The following FAM184A variants were observed in gnomAD, a reference collection of about 807,000 sequenced individuals.
The protein encoded by FAM184A is family with sequence similarity 184 member A, also known as protein FAM184A.
A neutral mutation model predicts 143.8 loss-of-function variants in FAM184A; 99 were observed. The observed-to-expected ratio is 0.69, with a 90% CI of 0.58 to 0.81. The LOEUF (loss-of-function observed/expected upper bound fraction) is 0.81. FAM184A is among the 40% of genes least tolerant of loss of function. The probability of loss-of-function intolerance (pLI) is 0.00; values close to 1 mark genes in which losing one functional copy is unlikely to be tolerated. For missense variants in FAM184A, 1,217 were observed against 1,310.5 expected (o/e 0.93, Z 1.10); for synonymous variants, 427 against 446.4 (o/e 0.96, Z 0.55).
In FAM184A at chr6:119,011,395, G is replaced by A; in HGVS notation, c.1567C>T (p.Leu523=). The A allele has an allele frequency of 6.4e-7, 1 of 1,568,460 alleles. No individual in the cohort carries two copies. Among genetic ancestry groups the A allele is most frequent in the Middle Eastern group, 1.7e-4 (1 of 5,960 alleles). Residue 523 remains leucine (L), a synonymous_variant, in exon 6 of 18, where the codon CTG becomes TTG. Transcript: ENST00000338891. ...EEQHNKDKLN[L]EEDKNQLQQE... is the part of the protein sequence containing the mutation. ...TGAAGCTGATTTTTATCCTCTTCCA[G>A]GTTTAGTTTATCTTTGTTATGTTGT...
rs144493175 is a variant in FAM184A at position 118,998,028 on chromosome 6, T to C, written c.2088+4871A>G. On this transcript the variant is annotated intron_variant, in intron 9 of 17. Coordinates refer to ENST00000338891, the MANE Select transcript of FAM184A (RefSeq NM_024581.6). ...AGTCATTGCCCTTTCCTACTGAGTA[T>C]GAAAAATTCTAAAATACTCTATGAT... Among the ~76,000 whole-genome samples, 525 of 152,242 alleles carry C rather than the reference T, an allele frequency of 3.4e-3. 5 individuals are homozygous for C. The highest frequency in any genetic ancestry group is 0.012 in the African/African-American group (503 of 41,516).
intron 10 of FAM184A, 63 bp from the exon 11 acceptor site, chr6:118,979,581 G>A: frequency 7.9e-7 from 1 of 1,266,192 alleles, no homozygotes; most frequent in Non-Finnish European, 1.1e-6. Context: ...AAACAAAATA[G>A]AAAACAGTTA....
At position 118,970,008 on chromosome 6, in the gene FAM184A, A is replaced by ATTTT. The variant is rs11272298; in HGVS notation, c.2916-3060_2916-3057dup. Among the ~76,000 whole-genome samples, 27 of 19,012 alleles carry ATTTT rather than the reference A, an allele frequency of 1.4e-3. 1 individual carries two copies. Among genetic ancestry groups the ATTTT allele is most frequent in the Admixed American group, 3.0e-3 (4 of 1,312 alleles). 12.5% of individuals were successfully genotyped at this position (19,012 alleles called of 152,430 possible). A position where few individuals can be genotyped will look rare whatever the true frequency, so the allele number is the denominator to read the frequency against. On this transcript the variant is annotated intron_variant, in intron 14 of 17. Transcript: ENST00000338891. ...ATATATATATAATATATATATATAT[A>ATTTT]TTTTTTTTTTTTTGAGATGGAGTTT...
At chr6:119,074,225 T>C (rs1197013471) in intron 1 of FAM184A, among the ~76,000 whole-genome samples, 1 of 152,210 alleles carries the variant, frequency 6.6e-6, no homozygotes, top group Non-Finnish European at 1.5e-5. Flanking sequence ...ACTTCTTCCT[T>C]GACCAACTTT....
intron 4 of FAM184A, among the ~76,000 whole-genome samples, chr6:119,018,196 G>GC (rs1244376540): frequency 1.3e-5 from 2 of 152,220 alleles, no homozygotes; most frequent in African/African-American, 4.8e-5. Flanking sequence ...ATGTGCGTGT[G>GC]CATGTGTGTG....
chr6:118,968,357 T>G (rs1164248759), intron 14 of FAM184A, among the ~76,000 whole-genome samples: 1 of 152,268 alleles, frequency 6.6e-6, no homozygotes, highest in Non-Finnish European at 1.5e-5. Context: ...GGGCTGCATA[T>G]GGCCTGCAGG....
At chr6:118,998,811 G>C (rs1350829273) in intron 9 of FAM184A, among the ~76,000 whole-genome samples, 1 of 152,318 alleles carries the variant, frequency 6.6e-6, no homozygotes, top group South Asian at 2.1e-4. Flanking sequence ...TGCAGCCAGA[G>C]ACCAGATCAT....
rs541196233 is a variant in FAM184A at position 119,129,078 on chromosome 6, A to G, written c.-202+20000T>C. On this transcript the variant is annotated intron_variant, in intron 1 of 16. Transcript: ENST00000352896. Reference sequence around the variant, plus strand: ...ACTCAACTCTTTCAACCAATTGCCAATCAGGAAGTCTTTGAATCTACCTAT... The same window carrying G: ...ACTCAACTCTTTCAACCAATTGCCAGTCAGGAAGTCTTTGAATCTACCTAT... Among the ~76,000 whole-genome samples the G allele has an allele frequency of 3.3e-5, 5 of 152,336 alleles. No homozygotes were observed. The South Asian group carries it at 6.2e-4, about 19-fold the overall frequency.
At chr6:119,117,616 C>T (rs1242804882) in intron 1 of FAM184A, among the ~76,000 whole-genome samples, 1 of 152,198 alleles carries the variant, frequency 6.6e-6, no homozygotes, top group East Asian at 1.9e-4. Context: ...TACGTACCTT[C>T]ACGGTTTATG....
intron 1 of FAM184A, among the ~76,000 whole-genome samples, chr6:119,126,663 G>A (rs754003570): frequency 2.0e-5 from 3 of 152,190 alleles, no homozygotes; most frequent in Admixed American, 6.5e-5. Flanking sequence ...TGCTGTCCAC[G>A]GACAGCTTAT....
At chr6:119,082,728 G>T (rs1332318776), upstream of FAM184A, among the ~76,000 whole-genome samples, 1 of 152,214 alleles carries the variant, frequency 6.6e-6, no homozygotes, top group Non-Finnish European at 1.5e-5. Flanking sequence ...GGCTCTGCAG[G>T]ATGCAGCCCC....
chr6:119,131,240 G>A (rs889342088), intron 1 of FAM184A, among the ~76,000 whole-genome samples: 11 of 152,078 alleles, frequency 7.2e-5, no homozygotes, highest in South Asian at 4.1e-4. Flanking sequence ...ATCTGAAGAC[G>A]TAAAGATTCT....
intron 1 of FAM184A, chr6:119,025,387 T>C (rs913161308): frequency 1.6e-5 from 8 of 508,034 alleles, no homozygotes; most frequent in African/African-American, 1.6e-4. Flanking sequence ...GATCCTCTTC[T>C]CTCTTCAAGT....
At chr6:119,121,628 A>C (rs1255287079) in intron 1 of FAM184A, among the ~76,000 whole-genome samples, 1 of 152,202 alleles carries the variant, frequency 6.6e-6, no homozygotes, top group Non-Finnish European at 1.5e-5. Flanking sequence ...CTGACATTCT[A>C]ATGAGGACAT....
chr6:118,990,437 G>A lies in FAM184A; in HGVS notation c.2089-10087C>T, dbSNP rs551391598. On this transcript the variant is annotated intron_variant, in intron 9 of 17. Transcript: ENST00000338891. ...GGCCATGAAAATATTGAATCCAATCGGTACAGTGCCCAAGCTGTGACCTCA... is the reference window on the plus strand; with the variant it reads ...GGCCATGAAAATATTGAATCCAATCAGTACAGTGCCCAAGCTGTGACCTCA... 7.9e-5 allele frequency among the ~76,000 whole-genome samples: 12 copies of A among 152,246 alleles called. 1 individual carries two copies. Among genetic ancestry groups the A allele is most frequent in the African/African-American group, 2.9e-4 (12 of 41,534 alleles).
rs1362875428 is a variant in FAM184A at position 119,068,041 on chromosome 6, G to C, written c.159+10100C>G. ...AAAACCTACTTTATTGTTTTTTTGT[G>C]TGTGGGTTTTTTTTTTTTTTTTTTG... On this transcript the variant is annotated intron_variant, in intron 1 of 17. Transcript: ENST00000338891. 6.2e-5 allele frequency among the ~76,000 whole-genome samples: 7 copies of C among 113,102 alleles called. No homozygotes were observed. In the South Asian group the frequency reaches 2.4e-3, roughly 38 times the overall value. 74.2% of individuals were successfully genotyped at this position (113,102 alleles called of 152,430 possible). A position where few individuals can be genotyped will look rare whatever the true frequency, so the allele number is the denominator to read the frequency against.
Position 119,147,956 on chromosome 6 carries a change from G to A in FAM184A, c.-202+1122C>T, listed in dbSNP as rs531764013. 4.3e-4 allele frequency among the ~76,000 whole-genome samples: 66 copies of A among 152,318 alleles called. 1 individual carries two copies. The highest frequency in any genetic ancestry group is 1.6e-3 in the African/African-American group (65 of 41,562). On this transcript the variant is annotated intron_variant, in intron 1 of 16. Transcript: ENST00000352896. ...GTGCTTTGCCTGTGATGGGGTCTCT[G>A]ACAAAATGCAAGTGATGGTGGCCAA...
At chr6:119,081,477 G>A (rs1372164878), upstream of FAM184A, among the ~76,000 whole-genome samples, 2 of 152,148 alleles carry the variant, frequency 1.3e-5, no homozygotes, top group Non-Finnish European at 1.5e-5. Flanking sequence ...AGCCACAGTG[G>A]GCATGTGTTA....
At chr6:119,111,309 C>G (rs1788924223) in intron 1 of FAM184A, among the ~76,000 whole-genome samples, 2 of 152,062 alleles carry the variant, frequency 1.3e-5, no homozygotes, top group Admixed American at 1.3e-4. Context: ...TCTCAGAGCA[C>G]TTAAATTCCC....
Sources: allele counts gnomAD v4.1 joint callset (sites outside exome capture counted in the v4.1 genomes callset), GRCh38; gene constraint gnomAD v4.1.1; transcripts MANE v1.5; gene names NCBI Gene and HGNC (gene_info 2026-07-23, HGNC 2026-07-21).